GLOD4: variants seen among roughly 807,000 people sequenced by gnomAD.
GLOD4 encodes glyoxalase domain-containing protein 4.
GLOD4 carries 44 observed loss-of-function variants against 39.1 expected under a neutral mutation model. The observed-to-expected ratio is 1.13, with a 90% CI of 0.88 to 1.45. The LOEUF (loss-of-function observed/expected upper bound fraction) is 1.45. Among genes scored for constraint, GLOD4 ranks in the 40% most tolerant of loss-of-function variants. GLOD4 has a pLI of 0.00. For synonymous variants in GLOD4, 145 were observed against 135.0 expected, an observed-to-expected ratio of 1.07 and a Z score of -0.52; for missense variants, 405 against 366.4, an observed-to-expected ratio of 1.11 and a Z score of -0.86.
At position 776,898 on chromosome 17, in the gene GLOD4, G is replaced by A. The variant is rs114532494; in HGVS notation, c.231C>T (p.Val77=). 272 of 1,612,924 alleles carry A rather than the reference G, an allele frequency of 1.7e-4. 2 individuals carry two copies. The African/African-American group carries it at 3.2e-3, about 19-fold the overall frequency. ...AGTCATTGCCAAGCTTGTAGTCTCC[G>A]ACGCCATAATTGTAAGTCAGTTCTG... ...FVAELTYNYG[V]GDYKLGNDFM... Residue 77 remains valine (V), a synonymous_variant, in exon 3 of 9, where the codon GTC becomes GTT. Transcript: ENST00000301329.
upstream of GLOD4, chr17:783,219 T>C: frequency 6.2e-7 from 1 of 1,614,178 alleles, no homozygotes; most frequent in Non-Finnish European, 8.5e-7. Flanking sequence ...CCGTCTAGAA[T>C]ACCTAAAGGA....
intron 8 of GLOD4, among the ~76,000 whole-genome samples, chr17:761,573 C>T (rs1408939140): frequency 2.0e-5 from 3 of 152,164 alleles, no homozygotes; most frequent in Admixed American, 6.5e-5. Context: ...GGCGCCATCT[C>T]GGCTCACTGC....
chr17:775,667 ACAC>A, intron 4 of GLOD4, 105 bp downstream of exon 4: 2 of 850,514 alleles, frequency 2.4e-6, no homozygotes, highest in Non-Finnish European at 3.8e-6. Context: ...GCTGGGGAAG[ACAC>A]GTCACGTGAA....
chr17:783,319 G>T (rs1156905766), upstream of GLOD4: 1 of 1,609,480 alleles, frequency 6.2e-7, no homozygotes, highest in African/African-American at 1.3e-5. Context: ...ACGCCACAAG[G>T]AATAATGGGT....
intron 4 of GLOD4, among the ~76,000 whole-genome samples, chr17:772,646 A>C (rs1908171367): frequency 6.6e-6 from 1 of 152,172 alleles, no homozygotes; most frequent in Non-Finnish European, 1.5e-5. Context: ...AAATAGGCAA[A>C]AGGCACAAAG....
In GLOD4 at chr17:775,929, A is replaced by G; in HGVS notation, c.262-10T>C. 6.2e-7 allele frequency: 1 copy of G among 1,610,012 alleles called. No individual in the cohort carries two copies. Among genetic ancestry groups the G allele is most frequent in the South Asian group, 1.1e-5 (1 of 90,982 alleles). On this transcript the variant is annotated splice_polypyrimidine_tract_variant and intron_variant, in intron 3 of 8. Transcript: ENST00000301329. Reference sequence around the variant, plus strand: ...AAGCGAGCGTGATTCCCTACAACAAACAACAGTACATCCAAGTACATGATC... The same window carrying G: ...AAGCGAGCGTGATTCCCTACAACAAGCAACAGTACATCCAAGTACATGATC...
upstream of GLOD4, chr17:782,770 G>A (rs776781624): frequency 1.5e-5 from 22 of 1,435,794 alleles, no homozygotes; most frequent in Admixed American, 2.3e-5. Context: ...TCCTTCCGAT[G>A]GAGGACTTCT....
At chr17:769,472 G>T (rs540125765) in intron 8 of GLOD4, among the ~76,000 whole-genome samples, 3 of 149,176 alleles carry the variant, frequency 2.0e-5, no homozygotes, top group African/African-American at 7.4e-5. Context: ...AGAGCTGAGG[G>T]GGTCAGATGG....
chr17:776,781 C>T (rs1040262387), intron 3 of GLOD4, 87 bp downstream of exon 3: 15 of 986,244 alleles, frequency 1.5e-5, no homozygotes, highest in African/African-American at 3.2e-5. Flanking sequence ...TATCTCTTCA[C>T]TCACACACAC....
intron 5 of GLOD4, 74 bp downstream of exon 5, chr17:771,251 T>A: frequency 1.1e-6 from 1 of 885,806 alleles, no homozygotes; most frequent in Non-Finnish European, 1.8e-6. Context: ...TTTATAAAGG[T>A]TATAAGCCAT....
chr17:770,814 T>C (rs531103987), intron 5 of GLOD4: 2 of 269,548 alleles, frequency 7.4e-6, no homozygotes, highest in East Asian at 1.5e-4. Flanking sequence ...GCTAGCGACA[T>C]AGTAATCCAT....
At chr17:762,013 G>C (rs1010557956) in intron 8 of GLOD4, among the ~76,000 whole-genome samples, 1 of 152,226 alleles carries the variant, frequency 6.6e-6, no homozygotes, top group Non-Finnish European at 1.5e-5. Flanking sequence ...CTGTCAGAGA[G>C]TTTGAAATTT....
Position 760,091 on chromosome 17 carries a change from A to G in GLOD4, c.*82T>C, listed in dbSNP as rs1905194155. Reference sequence around the variant, plus strand: ...GCCTGTACGGGAAACAAATCAGAAGAGCATTTATTGGGAACTGACACGTCA... The same window carrying G: ...GCCTGTACGGGAAACAAATCAGAAGGGCATTTATTGGGAACTGACACGTCA... On this transcript the variant is annotated 3_prime_UTR_variant, in exon 9 of 9. Coordinates refer to ENST00000301329, the MANE Select transcript of GLOD4 (RefSeq NM_016080.4). The G allele has an allele frequency of 4.9e-6, 4 of 810,202 alleles. No individual in the cohort carries two copies. Among genetic ancestry groups the G allele is most frequent in the Non-Finnish European group, 8.8e-6 (4 of 454,166 alleles). 50.2% of individuals were successfully genotyped at this position (810,202 alleles called of 1,614,324 possible).
At chr17:783,927 G>C (rs1244990841), upstream of GLOD4, among the ~76,000 whole-genome samples, 1 of 152,132 alleles carries the variant, frequency 6.6e-6, no homozygotes, top group African/African-American at 2.4e-5. Context: ...TTTACTGAAA[G>C]ATTGAGCCCT....
chr17:768,044 G>A (rs627006), intron 8 of GLOD4, among the ~76,000 whole-genome samples: 36 of 140,826 alleles, frequency 2.6e-4, no homozygotes, highest in East Asian at 6.7e-4. Flanking sequence ...AAGAAATCTG[G>A]AGAGGACGTG....
At position 766,424 on chromosome 17, in the gene GLOD4, C is replaced by T. The variant is rs972811553; in HGVS notation, c.831+3445G>A. Reference sequence around the variant, plus strand: ...CATCCTGGCCAACATGGTGAAGCCCCGTCTCTACTAAAAATACAAAAATTA... The same window carrying T: ...CATCCTGGCCAACATGGTGAAGCCCTGTCTCTACTAAAAATACAAAAATTA... On this transcript the variant is annotated intron_variant, in intron 8 of 8. Coordinates refer to ENST00000301329, the MANE Select transcript of GLOD4 (RefSeq NM_016080.4). 4.6e-5 allele frequency among the ~76,000 whole-genome samples: 7 copies of T among 151,632 alleles called. No homozygotes were observed. The South Asian group carries it at 1.3e-3, about 27-fold the overall frequency.
intron 8 of GLOD4, chr17:763,802 G>T (rs1905970657): frequency 1.3e-5 from 2 of 152,166 alleles, no homozygotes; most frequent in South Asian, 4.1e-4. Context: ...AGGTGAAGAG[G>T]TTCTCAGGAT....
intron 1 of GLOD4, among the ~76,000 whole-genome samples, chr17:781,534 G>A (rs780781942): frequency 1.3e-5 from 2 of 152,084 alleles, no homozygotes; most frequent in African/African-American, 2.4e-5. Context: ...ACTAAACCGC[G>A]CTCTTGCACC....
At chr17:777,231 G>A in intron 2 of GLOD4, 1 of 544,700 alleles carries the variant, frequency 1.8e-6, no homozygotes, top group East Asian at 3.1e-5. Context: ...TTTCTGTAAA[G>A]CAAGGAACAG....
Sources: gnomAD v4.1 joint callset for allele counts (sites outside exome capture counted in the v4.1 genomes callset) on GRCh38, gnomAD v4.1.1 for gene constraint, MANE v1.5 for transcripts, NCBI Gene and HGNC (gene_info 2026-07-23, HGNC 2026-07-21) for gene names.